The following SV2C variants were observed in gnomAD, a reference collection of about 807,000 sequenced individuals.
SV2C encodes the protein synaptic vesicle glycoprotein 2C.
A neutral mutation model predicts 79.7 loss-of-function variants in SV2C; 49 were observed. That is an observed-to-expected ratio of 0.61 (90% CI 0.49 to 0.78). The LOEUF (loss-of-function observed/expected upper bound fraction) is 0.78, where lower values mean the gene tolerates loss of function less well. Among genes scored for constraint, SV2C ranks in the 30% least tolerant of loss-of-function variants. SV2C has a pLI of 0.00. For missense variants in SV2C, 833 were observed against 912.9 expected, an observed-to-expected ratio of 0.91 and a Z score of 1.13; for synonymous variants, 334 against 333.2, an observed-to-expected ratio of 1.00 and a Z score of -0.03.
chr5:76,247,957 G>C (rs558814821), intron 4 of SV2C, among the ~76,000 whole-genome samples: 1 of 152,300 alleles, frequency 6.6e-6, no homozygotes, highest in Admixed American at 6.5e-5. Flanking sequence ...TGATTATTAG[G>C]TGACTGAAAG....
At chr5:76,010,691 TA>T in the SV2C span, among the ~76,000 whole-genome samples, 2 of 152,166 alleles carry the variant, frequency 1.3e-5, no homozygotes, top group East Asian at 1.9e-4. Context: ...AACTTTAGCT[TA>T]AGTGTATTTT....
intron 12 of SV2C, among the ~76,000 whole-genome samples, chr5:76,310,164 T>G (rs1748381187): frequency 6.6e-6 from 1 of 152,238 alleles, no homozygotes; most frequent in Non-Finnish European, 1.5e-5. Context: ...GCTTATATTC[T>G]ATAATAGTTT....
At chr5:76,068,558 C>T in the SV2C span, among the ~76,000 whole-genome samples, 2 of 151,928 alleles carry the variant, frequency 1.3e-5, no homozygotes, top group African/African-American at 4.8e-5. Flanking sequence ...TCATGGTTTT[C>T]CAGTTTCATA....
At chr5:76,046,779 G>A in the SV2C span, among the ~76,000 whole-genome samples, 4 of 152,244 alleles carry the variant, frequency 2.6e-5, no homozygotes, top group Non-Finnish European at 5.9e-5. Flanking sequence ...CTGAGGGGAT[G>A]CTCTCAGATG....
At chr5:76,300,006 C>G (rs1279665858) in intron 10 of SV2C, among the ~76,000 whole-genome samples, 3 of 152,236 alleles carry the variant, frequency 2.0e-5, no homozygotes, top group East Asian at 3.9e-4. Context: ...TCAGGAAAGA[C>G]TTGTTCCTTC....
chr5:76,163,083 C>A (rs1742941519), intron 2 of SV2C, among the ~76,000 whole-genome samples: 1 of 152,180 alleles, frequency 6.6e-6, no homozygotes, highest in Admixed American at 6.5e-5. Flanking sequence ...TCACTGCCAC[C>A]AGAAAACCTG....
chr5:75,923,351 ATTGGCT>A, the SV2C span, among the ~76,000 whole-genome samples: 1 of 152,208 alleles, frequency 6.6e-6, no homozygotes, highest in African/African-American at 2.4e-5. Context: ...CTCTCTGGAC[ATTGGCT>A]TAGGCAAAGA....
intron 12 of SV2C, among the ~76,000 whole-genome samples, chr5:76,316,836 C>G (rs1014316062): frequency 1.3e-5 from 2 of 152,154 alleles, no homozygotes; most frequent in African/African-American, 4.8e-5. Flanking sequence ...CCACTACCCT[C>G]AGCTCGATAT....
intron 10 of SV2C, among the ~76,000 whole-genome samples, 175 bp from the exon 11 acceptor site, chr5:76,300,554 C>CTAGA (rs552452709): frequency 4.3e-4 from 65 of 152,154 alleles, no homozygotes; most frequent in African/African-American, 1.4e-3. Flanking sequence ...ATGTGAAGAC[C>CTAGA]CAGACTAGAT....
the SV2C span, among the ~76,000 whole-genome samples, chr5:76,036,072 C>T: frequency 6.6e-6 from 1 of 151,950 alleles, no homozygotes; most frequent in South Asian, 2.1e-4. Flanking sequence ...GCAACCCCTG[C>T]CTTTTTTTGT....
At chr5:76,122,223 A>G (rs1748531995) in intron 1 of SV2C, among the ~76,000 whole-genome samples, 1 of 151,456 alleles carries the variant, frequency 6.6e-6, no homozygotes, top group Non-Finnish European at 1.5e-5. Flanking sequence ...TTGATTTTGT[A>G]TCCTGAGACT....
chr5:75,999,614 T>A, the SV2C span, among the ~76,000 whole-genome samples: 1 of 150,312 alleles, frequency 6.7e-6, no homozygotes, highest in African/African-American at 2.5e-5. Context: ...AGCAAAATAA[T>A]AAAATCGGTG....
At chr5:76,038,829 A>G in the SV2C span, among the ~76,000 whole-genome samples, 1 of 152,242 alleles carries the variant, frequency 6.6e-6, no homozygotes, top group Admixed American at 6.5e-5. Flanking sequence ...TCTTTGCATT[A>G]ATGAATAACT....
chr5:76,016,219 C>T, the SV2C span, among the ~76,000 whole-genome samples: 5 of 95,686 alleles, frequency 5.2e-5, no homozygotes, highest in African/African-American at 1.9e-4. Flanking sequence ...TCCAGTGCAG[C>T]AGAAAAAAGA....
chr5:76,286,433 A>C (rs1747360859), intron 6 of SV2C, among the ~76,000 whole-genome samples: 1 of 152,180 alleles, frequency 6.6e-6, no homozygotes, highest in East Asian at 1.9e-4. Context: ...CTAAGATGTC[A>C]GAGAGACATC....
At chr5:76,155,272 C>G (rs867198957) in intron 2 of SV2C, among the ~76,000 whole-genome samples, 1 of 152,164 alleles carries the variant, frequency 6.6e-6, no homozygotes, top group African/African-American at 2.4e-5. Flanking sequence ...TTCCTTTCAC[C>G]AGGCATATGG....
At chr5:76,040,509 G>A in the SV2C span, among the ~76,000 whole-genome samples, 3 of 152,206 alleles carry the variant, frequency 2.0e-5, no homozygotes, top group Non-Finnish European at 4.4e-5. Context: ...ATATTCACTT[G>A]AATAGAAGTA....
chr5:76,296,028 G>T, intron 9 of SV2C, 86 bp downstream of exon 9: 1 of 1,312,820 alleles, frequency 7.6e-7, no homozygotes, highest in African/African-American at 1.5e-5. Context: ...AACAGGCATA[G>T]TTTTTTGTTT....
At chr5:76,033,881 C>T in the SV2C span, among the ~76,000 whole-genome samples, 2 of 151,564 alleles carry the variant, frequency 1.3e-5, no homozygotes, top group Non-Finnish European at 3.0e-5. Context: ...TACCCATGAG[C>T]ATGGAATGTT....
Sources: allele counts gnomAD v4.1 joint callset (sites outside exome capture counted in the v4.1 genomes callset), GRCh38; gene constraint gnomAD v4.1.1; transcripts MANE v1.5; gene names NCBI Gene and HGNC (gene_info 2026-07-23, HGNC 2026-07-21).